The following CNBD1 variants were observed in gnomAD, a reference collection of about 807,000 sequenced individuals.
CNBD1 encodes the protein cyclic nucleotide binding domain containing 1, also known as cyclic nucleotide-binding domain-containing protein 1.
Under a neutral mutation model 54.4 loss-of-function variants are expected in CNBD1, and 71 were observed. The ratio of observed to expected loss-of-function variants is 1.30; its 90% confidence interval spans 1.08 to 1.59. CNBD1 has a LOEUF of 1.59. Among genes scored for constraint, CNBD1 ranks in the 40% most tolerant of loss-of-function variants. The pLI, the probability that CNBD1 is intolerant of heterozygous loss-of-function variation, is 0.00. For missense variants in CNBD1, 659 were observed against 518.0 expected (o/e 1.27, Z -2.64); for synonymous variants, 182 against 170.7 (o/e 1.07, Z -0.51).
intron 4 of CNBD1, among the ~76,000 whole-genome samples, chr8:87,188,810 A>T (rs1229435831): frequency 7.2e-6 from 1 of 138,516 alleles, no homozygotes; most frequent in South Asian, 2.3e-4. Flanking sequence ...ATGAACAGAC[A>T]GTAAAGCGTC....
chr8:86,904,142 A>C (rs1041669314), intron 2 of CNBD1, among the ~76,000 whole-genome samples: 1 of 152,032 alleles, frequency 6.6e-6, no homozygotes, highest in African/African-American at 2.4e-5. Flanking sequence ...ATGTGTTGTT[A>C]TTATTTACAA....
At chr8:87,046,574 G>T (rs1332043846) in intron 4 of CNBD1, among the ~76,000 whole-genome samples, 12 of 152,122 alleles carry the variant, frequency 7.9e-5, no homozygotes, top group Non-Finnish European at 1.5e-5. Flanking sequence ...AGAAAATAAA[G>T]CCCTGTCCCT....
At chr8:87,406,988 AC>A (rs1462638960) in intron 2 of CNBD1, among the ~76,000 whole-genome samples, 1 of 152,010 alleles carries the variant, frequency 6.6e-6, no homozygotes, top group Non-Finnish European at 1.5e-5. Flanking sequence ...TCAATGAATA[AC>A]TTTTATTCTC....
chr8:87,289,265 T>C (rs1254190344), intron 8 of CNBD1, among the ~76,000 whole-genome samples: 1 of 152,130 alleles, frequency 6.6e-6, no homozygotes, highest in Non-Finnish European at 1.5e-5. Context: ...TAAGTAAAGC[T>C]TGTATCTGAC....
intron 4 of CNBD1, among the ~76,000 whole-genome samples, chr8:87,143,964 T>A (rs1213492666): frequency 6.6e-6 from 1 of 152,166 alleles, no homozygotes; most frequent in Non-Finnish European, 1.5e-5. Context: ...CTGGGTAAAT[T>A]ATGACAAATA....
chr8:87,416,803 C>A (rs1265364736), intron 2 of CNBD1, among the ~76,000 whole-genome samples: 1 of 151,902 alleles, frequency 6.6e-6, no homozygotes, highest in East Asian at 1.9e-4. Flanking sequence ...TGAGTATTAC[C>A]AAAAACAGAT....
At chr8:87,113,820 G>A (rs1241202892) in intron 4 of CNBD1, among the ~76,000 whole-genome samples, 7 of 152,006 alleles carry the variant, frequency 4.6e-5, no homozygotes, top group Non-Finnish European at 8.8e-5. Context: ...TCGGGAGGCT[G>A]AGGCAGGAGA....
rs559102152 is a variant in CNBD1 at position 87,206,848 on chromosome 8, G to A, written c.577+710G>A. ...ATTATTCTCCACAGATGAGGACCCC[G>A]AGGCACAAATATCACACAGAGCATT... On this transcript the variant is annotated intron_variant, in intron 5 of 10. Transcript: ENST00000518476. Among the ~76,000 whole-genome samples, 14 of 152,222 alleles carry A rather than the reference G, an allele frequency of 9.2e-5. No homozygotes were observed. In the South Asian group the frequency reaches 1.2e-3, roughly 14 times the overall value.
intron 4 of CNBD1, among the ~76,000 whole-genome samples, chr8:87,016,493 A>C (rs570558344): frequency 6.6e-6 from 1 of 151,832 alleles, no homozygotes; most frequent in Admixed American, 6.5e-5. Context: ...CAACACCCTA[A>C]GCCCTATGGT....
rs116723662 is a variant in CNBD1, at chr8:87,149,382, G to T, written c.432-56611G>T. 8.4e-3 allele frequency among the ~76,000 whole-genome samples: 1,272 copies of T among 152,228 alleles called. 21 individuals carry two copies. Among genetic ancestry groups the T allele is most frequent in the African/African-American group, 0.026 (1,071 of 41,528 alleles). On this transcript the variant is annotated intron_variant, in intron 4 of 10. Coordinates refer to ENST00000518476, the MANE Select transcript of CNBD1 (RefSeq NM_173538.3). ...TCGAGATGAAGGGTTGCATAATTTT[G>T]TGTTGTCACGTGATTGGAAGTGGTG...
intron 3 of CNBD1, among the ~76,000 whole-genome samples, chr8:86,912,098 T>A (rs1253131037): frequency 1.3e-5 from 2 of 152,190 alleles, no homozygotes; most frequent in Non-Finnish European, 2.9e-5. Context: ...GAAGGCTGCT[T>A]ACTTGTTATA....
chr8:87,120,733 T>A (rs1041119858), intron 4 of CNBD1, among the ~76,000 whole-genome samples: 3 of 152,010 alleles, frequency 2.0e-5, no homozygotes, highest in African/African-American at 7.2e-5. Context: ...TTTTGCTGTA[T>A]CTCACAGGTT....
chr8:87,112,159 C>T (rs960047186), intron 4 of CNBD1, among the ~76,000 whole-genome samples: 2 of 152,156 alleles, frequency 1.3e-5, no homozygotes, highest in Non-Finnish European at 2.9e-5. Context: ...CATCATCTGC[C>T]TGCTCACTCT....
intron 10 of CNBD1, among the ~76,000 whole-genome samples, chr8:87,356,709 C>A (rs80060419): frequency 0.024 from 3,669 of 152,180 alleles, 150 homozygotes; most frequent in African/African-American, 0.081. Context: ...AGAGAAGGAA[C>A]GTGCATTTTC....
chr8:87,293,824 A>G (rs913717105), intron 8 of CNBD1, among the ~76,000 whole-genome samples: 50 of 152,192 alleles, frequency 3.3e-4, no homozygotes, highest in Admixed American at 1.0e-3. Flanking sequence ...CCAAAGTAGG[A>G]CTGATAATGT....
chr8:87,156,603 T>C (rs1246482072), intron 4 of CNBD1, among the ~76,000 whole-genome samples: 1 of 151,996 alleles, frequency 6.6e-6, no homozygotes, highest in African/African-American at 2.4e-5. Context: ...CATACACAGA[T>C]GGTCTTTGTG....
intron 4 of CNBD1, among the ~76,000 whole-genome samples, chr8:87,170,685 C>A (rs1813066999): frequency 6.6e-6 from 1 of 152,096 alleles, no homozygotes; most frequent in African/African-American, 2.4e-5. Flanking sequence ...TACCCAGTTT[C>A]CTTGTATACC....
intron 8 of CNBD1, among the ~76,000 whole-genome samples, chr8:87,348,946 A>C (rs1183147703): frequency 6.6e-6 from 1 of 152,162 alleles, no homozygotes; most frequent in Non-Finnish European, 1.5e-5. Flanking sequence ...CCTTAAGATA[A>C]AATCAAGTTT....
chr8:87,048,063 G>A (rs984294041), intron 4 of CNBD1, among the ~76,000 whole-genome samples: 2 of 152,148 alleles, frequency 1.3e-5, no homozygotes, highest in Non-Finnish European at 2.9e-5. Context: ...ATAAATCCAA[G>A]AGTTGATACC....
Sources: gnomAD v4.1 joint callset for allele counts (sites outside exome capture counted in the v4.1 genomes callset) on GRCh38, gnomAD v4.1.1 for gene constraint, MANE v1.5 for transcripts, NCBI Gene and HGNC (gene_info 2026-07-23, HGNC 2026-07-21) for gene names.